The following VSX1 variants were observed in gnomAD, a reference collection of about 807,000 sequenced individuals.
VSX1 encodes homeodomain protein RINX.
A neutral mutation model predicts 23.6 loss-of-function variants in VSX1; 23 were observed. The observed-to-expected ratio is 0.97, with a 90% CI of 0.70 to 1.38. The LOEUF (loss-of-function observed/expected upper bound fraction) is 1.38. Ranked by LOEUF, VSX1 falls within the 40% of genes most tolerant of loss-of-function variation. The pLI is 0.00. For missense variants in VSX1, 517 were observed against 495.4 expected (o/e 1.04, Z -0.41); for synonymous variants, 247 against 215.1 (o/e 1.15, Z -1.30).
chr20:25,071,166 C>G (rs1318144294), downstream of VSX1: 2 of 453,674 alleles, frequency 4.4e-6, no homozygotes, highest in Non-Finnish European at 8.8e-6. Context: ...ACAGAAACTC[C>G]TCCATTTAAA....
downstream of VSX1, chr20:25,072,099 A>C: frequency 1.7e-6 from 1 of 598,456 alleles, no homozygotes. Flanking sequence ...GGACTGAGAG[A>C]GAGCGAGAGA....
chr20:25,078,244 G>T (rs1220265739), intron 3 of VSX1, among the ~76,000 whole-genome samples: 1 of 152,212 alleles, frequency 6.6e-6, no homozygotes, highest in Non-Finnish European at 1.5e-5. Flanking sequence ...GCTCACTGGG[G>T]CACTGGCTCC....
rs777029559 is a variant in VSX1, at chr20:25,076,253, T to C, written c.*8A>G. On this transcript the variant is annotated 3_prime_UTR_variant, in exon 5 of 5. Coordinates refer to ENST00000376709, the MANE Select transcript of VSX1 (RefSeq NM_014588.6). ...ATTTTCAGCCTTTGACAGTGGGACC[T>C]GTGGGTCTCATGTGGCTCCCACCTT... 6.8e-6 allele frequency: 11 copies of C among 1,613,912 alleles called. No homozygotes were observed. Among genetic ancestry groups the C allele is most frequent in the Non-Finnish European group, 9.3e-6 (11 of 1,180,046 alleles).
chr20:25,077,896 A>G (rs1372540658), intron 3 of VSX1, 31 bp from the exon 4 acceptor site: 2 of 1,550,142 alleles, frequency 1.3e-6, no homozygotes. Context: ...CAGAAGGCAC[A>G]CAGAAGAGAC....
At chr20:25,080,094 A>C (rs550941478) in intron 1 of VSX1, among the ~76,000 whole-genome samples, 1 of 152,334 alleles carries the variant, frequency 6.6e-6, no homozygotes, top group South Asian at 2.1e-4. Context: ...AAGTGTGCTC[A>C]GATGATGTGT....
At chr20:25,079,064 A>G in intron 2 of VSX1, 112 bp from the exon 3 acceptor site, 1 of 1,272,358 alleles carries the variant, frequency 7.9e-7, no homozygotes, top group Non-Finnish European at 1.1e-6. Flanking sequence ...CCTAGAAGCC[A>G]CTTCATGATA....
At chr20:25,078,567 A>G in intron 3 of VSX1, 1 of 1,304,618 alleles carries the variant, frequency 7.7e-7, no homozygotes, top group Non-Finnish European at 9.7e-7. Context: ...TTTTTCATTG[A>G]CATATCTTTA....
downstream of VSX1, among the ~76,000 whole-genome samples, chr20:25,074,750 A>G (rs564682511): frequency 6.6e-6 from 1 of 152,266 alleles, no homozygotes; most frequent in Non-Finnish European, 1.5e-5. Context: ...CCCAAACTCA[A>G]TCCTGGATAA....
chr20:25,076,233 C>G lies in VSX1; in HGVS notation c.*28G>C. The G allele has an allele frequency of 6.2e-7, 1 of 1,613,426 alleles. No individual in the cohort carries two copies. The highest frequency in any genetic ancestry group is 2.2e-5 in the East Asian group (1 of 44,888). ...TGCCAGTGAGGAATATGCACATTTT[C>G]AGCCTTTGACAGTGGGACCTGTGGG... On this transcript the variant is annotated 3_prime_UTR_variant, in exon 5 of 5. Transcript: ENST00000376709.
downstream of VSX1, among the ~76,000 whole-genome samples, chr20:25,073,515 T>C (rs1172230890): frequency 1.3e-5 from 2 of 152,158 alleles, no homozygotes; most frequent in Non-Finnish European, 2.9e-5. Flanking sequence ...ATTACATTAG[T>C]TAATGGGCAA....
chr20:25,072,250 T>C (rs1239631400), downstream of VSX1, among the ~76,000 whole-genome samples: 3 of 152,168 alleles, frequency 2.0e-5, no homozygotes, highest in Non-Finnish European at 2.9e-5. Flanking sequence ...CTTTCACACA[T>C]CCCACACATA....
At chr20:25,073,159 A>G (rs1174525406), downstream of VSX1, among the ~76,000 whole-genome samples, 1 of 152,188 alleles carries the variant, frequency 6.6e-6, no homozygotes, top group Admixed American at 6.5e-5. Context: ...AAATTTTCAT[A>G]TGATATTTTT....
rs552063036 is a variant in VSX1, at chr20:25,082,049, C to A, written c.48G>T (p.Ala16=). Residue 16 remains alanine, a synonymous_variant, in exon 1 of 5, where the codon GCG becomes GCT. Coordinates refer to ENST00000376709, the MANE Select transcript of VSX1 (RefSeq NM_014588.6). ...SLSDGRTSSR[A]LVPGGSPRGS... ...CCCTAGGGGAACCGCCAGGCACCAG[C>A]GCCCTGCTGCTAGTGCGCCCGTCGG... 13 of 1,538,322 alleles carry A rather than the reference C, an allele frequency of 8.5e-6. No homozygotes were observed. Among genetic ancestry groups the A allele is most frequent in the Non-Finnish European group, 1.1e-5 (13 of 1,148,376 alleles).
At chr20:25,081,290 C>A (rs2089635776) in intron 1 of VSX1, 1 of 433,186 alleles carries the variant, frequency 2.3e-6, no homozygotes, top group Non-Finnish European at 4.4e-6. Flanking sequence ...TGCTGGTGAC[C>A]ACCACAGGCC....
chr20:25,078,752 G>A (rs769749165), intron 3 of VSX1, 77 bp downstream of exon 3: 53 of 1,614,172 alleles, frequency 3.3e-5, no homozygotes, highest in Non-Finnish European at 4.3e-5. Flanking sequence ...AGAAGGGACT[G>A]CTGATTGGCT....
Position 25,078,913 on chromosome 20 carries a change from C to T in VSX1, c.543G>A (p.Lys181=). Residue 181 remains lysine, a synonymous_variant, in exon 3 of 5, where the codon AAG becomes AAA. Transcript: ENST00000376709. ...CAGGGTAGTGGGCCTCGCTGAATGCCTTCTCCAACTCTTCCAGCTGGTGAG... is the reference window on the plus strand; with the variant it reads ...CAGGGTAGTGGGCCTCGCTGAATGCTTTCTCCAACTCTTCCAGCTGGTGAG... ...FTAHQLEELE[K]AFSEAHYPDV... The T allele has an allele frequency of 3.7e-6, 6 of 1,614,180 alleles. No individual in the cohort carries two copies. The highest frequency in any genetic ancestry group is 5.1e-6 in the Non-Finnish European group (6 of 1,180,038).
chr20:25,071,146 G>A (rs1662587797), downstream of VSX1: 1 of 453,916 alleles, frequency 2.2e-6, no homozygotes, highest in Non-Finnish European at 4.4e-6. Context: ...AGGAATCAGG[G>A]CAGAAAAGCA....
At chr20:25,073,405 T>C (rs1233726664), downstream of VSX1, among the ~76,000 whole-genome samples, 2 of 152,194 alleles carry the variant, frequency 1.3e-5, no homozygotes, top group Non-Finnish European at 2.9e-5. Flanking sequence ...TCTCTCTTAA[T>C]ATCACACACG....
At position 25,079,469 on chromosome 20, in the gene VSX1, G is replaced by C. The variant is rs2089592559; in HGVS notation, c.470C>G (p.Pro157Arg). 2.5e-6 allele frequency: 4 copies of C among 1,612,906 alleles called. No individual in the cohort carries two copies. The highest frequency in any genetic ancestry group is 3.4e-6 in the Non-Finnish European group (4 of 1,179,810). ...CCGCTTCTTCCTCTTGCCCAAGGTG[G>C]GGGATGCCTTTAGGTCATTCCTGTC... ...SEDRNDLKAS[P>R]TLGKRKKRRH... Residue 157 changes from proline (P) to arginine (R), a missense_variant, in exon 2 of 5, where the codon CCC (proline) becomes CGC (arginine). Pro to Arg is a moderately radical substitution (Grantham distance 103). Transcript: ENST00000376709.
Sources: allele counts gnomAD v4.1 joint callset (sites outside exome capture counted in the v4.1 genomes callset), GRCh38; gene constraint gnomAD v4.1.1; transcripts MANE v1.5; gene names NCBI Gene and HGNC (gene_info 2026-07-23, HGNC 2026-07-21).